Variants in ZSWIM5 observed in about 807,000 individuals in gnomAD.
ZSWIM5 encodes the protein zinc finger SWIM domain-containing protein 5.
A neutral mutation model predicts 119.6 loss-of-function variants in ZSWIM5; 55 were observed. The observed-to-expected ratio is 0.46, with a 90% CI of 0.37 to 0.58. The LOEUF is 0.58. ZSWIM5 is among the 20% of genes least tolerant of loss of function. ZSWIM5 has a pLI of 0.00. For synonymous variants in ZSWIM5, 537 were observed against 606.9 expected (o/e 0.88, Z 1.69); for missense variants, 1,193 against 1,512.8 (o/e 0.79, Z 3.51).
intron 1 of ZSWIM5, among the ~76,000 whole-genome samples, chr1:45,105,490 T>C (rs1645466375): frequency 6.9e-6 from 1 of 145,188 alleles, no homozygotes; most frequent in African/African-American, 2.6e-5. Context: ...CCGCCCCGAA[T>C]GGGAAGTGAG....
chr1:45,086,881 A>ATTTTT (rs377217727), intron 2 of ZSWIM5, among the ~76,000 whole-genome samples: 1 of 131,952 alleles, frequency 7.6e-6, no homozygotes, highest in Non-Finnish European at 1.6e-5. Context: ...TTCTTCTTAA[A>ATTTTT]TTTTTTTTTT....
chr1:45,095,889 G>GA (rs905837756), intron 1 of ZSWIM5, among the ~76,000 whole-genome samples: 121 of 151,656 alleles, frequency 8.0e-4, no homozygotes, highest in African/African-American at 2.7e-3. Flanking sequence ...GTAAAATAAA[G>GA]AAAAAAAACA....
chr1:45,027,816 T>C (rs1644929536), intron 11 of ZSWIM5, among the ~76,000 whole-genome samples: 1 of 152,086 alleles, frequency 6.6e-6, no homozygotes, highest in African/African-American at 2.4e-5. Context: ...GCCACTGGGA[T>C]TATGGGTGTG....
At chr1:45,114,958 G>A (rs1152017) in intron 1 of ZSWIM5, among the ~76,000 whole-genome samples, 22,714 of 152,138 alleles carry the variant, frequency 0.15, 2,153 homozygotes, top group African/African-American at 0.26. Context: ...GCACGGGGTT[G>A]GGGGTAAGGT....
intron 1 of ZSWIM5, among the ~76,000 whole-genome samples, chr1:45,115,777 C>G (rs1369349783): frequency 1.3e-5 from 2 of 150,262 alleles, no homozygotes; most frequent in Admixed American, 6.6e-5. Context: ...GGCTGGGCGG[C>G]CAGGCAGAGG....
intron 2 of ZSWIM5, among the ~76,000 whole-genome samples, chr1:45,065,999 C>T (rs2149002604): frequency 6.8e-6 from 1 of 147,106 alleles, no homozygotes; most frequent in South Asian, 2.2e-4. Context: ...TCTCCTAATG[C>T]TATCCCTCCC....
At chr1:45,122,154 A>G (rs1182466340) in intron 1 of ZSWIM5, among the ~76,000 whole-genome samples, 17 of 152,230 alleles carry the variant, frequency 1.1e-4, no homozygotes, top group Admixed American at 1.1e-3. Context: ...GAGAAACAGT[A>G]TTATCAAGTG....
At chr1:45,051,278 C>A in intron 4 of ZSWIM5, 25 bp from the exon 5 acceptor site, 1 of 1,603,892 alleles carries the variant, frequency 6.2e-7, no homozygotes, top group Non-Finnish European at 8.5e-7. Context: ...AACCCATATT[C>A]TTAACATCTC....
chr1:45,125,603 GTC>G (rs918384284), intron 1 of ZSWIM5, among the ~76,000 whole-genome samples: 15 of 151,916 alleles, frequency 9.9e-5, no homozygotes, highest in African/African-American at 3.4e-4. Context: ...GTGAAACCCT[GTC>G]TCTACTAAAA....
chr1:45,197,981 G>A (rs1646135983), intron 1 of ZSWIM5, among the ~76,000 whole-genome samples: 1 of 152,172 alleles, frequency 6.6e-6, no homozygotes, highest in Non-Finnish European at 1.5e-5. Flanking sequence ...ATTTTAAAAG[G>A]ATCCATCACG....
chr1:45,040,923 G>A (rs1456919759), intron 6 of ZSWIM5, among the ~76,000 whole-genome samples: 1 of 152,200 alleles, frequency 6.6e-6, no homozygotes, highest in South Asian at 2.1e-4. Flanking sequence ...ATGCCAGGGA[G>A]TATGCTGGGC....
At chr1:45,152,549 T>C (rs560514700) in intron 1 of ZSWIM5, among the ~76,000 whole-genome samples, 2 of 152,174 alleles carry the variant, frequency 1.3e-5, no homozygotes, top group East Asian at 3.9e-4. Flanking sequence ...TGGTTAGAGA[T>C]ATGCAGAAAA....
chr1:45,166,709 C>A (rs938203025), intron 1 of ZSWIM5, among the ~76,000 whole-genome samples: 3 of 152,058 alleles, frequency 2.0e-5, no homozygotes, highest in African/African-American at 7.2e-5. Flanking sequence ...CATGAGTGAA[C>A]TCCCATTCAC....
intron 1 of ZSWIM5, among the ~76,000 whole-genome samples, chr1:45,162,525 G>A (rs1443401833): frequency 1.3e-5 from 2 of 152,214 alleles, no homozygotes; most frequent in Non-Finnish European, 2.9e-5. Context: ...GCGAGGCATC[G>A]CCTCACCCAG....
At chr1:45,190,105 G>A (rs1646082356) in intron 1 of ZSWIM5, among the ~76,000 whole-genome samples, 1 of 152,090 alleles carries the variant, frequency 6.6e-6, no homozygotes, top group Admixed American at 6.5e-5. Context: ...CTTGAACTCA[G>A]GAGTTCAAGA....
chr1:45,042,320 A>C (rs1341944784), intron 6 of ZSWIM5, among the ~76,000 whole-genome samples: 2 of 152,206 alleles, frequency 1.3e-5, no homozygotes, highest in African/African-American at 4.8e-5. Context: ...GACCATTTGA[A>C]AATCAAAAAA....
At chr1:45,091,767 G>T (rs1645365586) in intron 1 of ZSWIM5, among the ~76,000 whole-genome samples, 1 of 152,122 alleles carries the variant, frequency 6.6e-6, no homozygotes, top group Non-Finnish European at 1.5e-5. Context: ...AGGCACACTT[G>T]GCTTGCAGCA....
chr1:45,024,720 T>C (rs1644910499), intron 11 of ZSWIM5, among the ~76,000 whole-genome samples: 1 of 152,074 alleles, frequency 6.6e-6, no homozygotes, highest in Non-Finnish European at 1.5e-5. Context: ...AATGGTGCGA[T>C]CTTGGCTAAC....
intron 1 of ZSWIM5, among the ~76,000 whole-genome samples, chr1:45,189,166 T>C (rs541077440): frequency 1.3e-5 from 2 of 152,132 alleles, no homozygotes; most frequent in East Asian, 3.9e-4. Flanking sequence ...AATACAAAAA[T>C]TAGCCAGGGA....
Sources: allele counts gnomAD v4.1 joint callset (sites outside exome capture counted in the v4.1 genomes callset), GRCh38; gene constraint gnomAD v4.1.1; transcripts MANE v1.5; gene names NCBI Gene and HGNC (gene_info 2026-07-23, HGNC 2026-07-21).